The following GRHL2 variants were observed in gnomAD, a reference collection of about 807,000 sequenced individuals.
The protein encoded by GRHL2 is grainyhead like transcription factor 2.
A neutral mutation model predicts 83.8 loss-of-function variants in GRHL2; 21 were observed. The ratio of observed to expected loss-of-function variants is 0.25; its 90% CI spans 0.18 to 0.36. The LOEUF is 0.36. Among genes scored for constraint, GRHL2 ranks in the 10% least tolerant of loss-of-function variants. The pLI is 1.00. For missense variants in GRHL2, 623 were observed against 781.8 expected (o/e 0.80, Z 2.42); for synonymous variants, 280 against 278.9 (o/e 1.00, Z -0.04).
At chr8:101,666,352 G>A (rs1814056940) in intron 15 of GRHL2, among the ~76,000 whole-genome samples, 1 of 152,158 alleles carries the variant, frequency 6.6e-6, no homozygotes, top group South Asian at 2.1e-4. Flanking sequence ...TATAATGCAA[G>A]CGGTTTGGGT....
chr8:101,518,211 C>A (rs1252472864), intron 1 of GRHL2, among the ~76,000 whole-genome samples: 1 of 152,180 alleles, frequency 6.6e-6, no homozygotes, highest in African/African-American at 2.4e-5. Flanking sequence ...AATCATTAAT[C>A]CAGCCTGGTC....
At chr8:101,547,663 G>A (rs1811293772) in intron 2 of GRHL2, among the ~76,000 whole-genome samples, 1 of 152,212 alleles carries the variant, frequency 6.6e-6, no homozygotes, top group South Asian at 2.1e-4. Flanking sequence ...GGACAATCCT[G>A]TATGTTTCCT....
chr8:101,671,852 G>A (rs561990509), downstream of GRHL2, among the ~76,000 whole-genome samples: 2 of 152,258 alleles, frequency 1.3e-5, no homozygotes, highest in South Asian at 4.1e-4. Context: ...TCAGAGGAAC[G>A]ATCACGCAGC....
At chr8:101,560,046 C>T (rs561069631) in intron 4 of GRHL2, among the ~76,000 whole-genome samples, 25 of 152,230 alleles carry the variant, frequency 1.6e-4, no homozygotes, top group African/African-American at 6.0e-4. Flanking sequence ...CACTGTGTGG[C>T]CCAGGCTGGA....
At chr8:101,660,239 TC>T (rs200177548) in intron 14 of GRHL2, among the ~76,000 whole-genome samples, 3,947 of 152,358 alleles carry the variant, frequency 0.026, 142 homozygotes, top group African/African-American at 0.076. Flanking sequence ...CTGTAGCTTC[TC>T]CGTCAATAGT....
At chr8:101,584,011 C>T (rs1316701138) in intron 7 of GRHL2, among the ~76,000 whole-genome samples, 1 of 152,178 alleles carries the variant, frequency 6.6e-6, no homozygotes, top group African/African-American at 2.4e-5. Context: ...TGTAGTGAGC[C>T]TGATTCCACA....
At chr8:101,615,735 C>G (rs2130360504) in intron 8 of GRHL2, among the ~76,000 whole-genome samples, 1 of 152,146 alleles carries the variant, frequency 6.6e-6, no homozygotes, top group South Asian at 2.1e-4. Context: ...CTGTTGTTAT[C>G]TTTAGAGCAC....
At chr8:101,677,172 T>C in the GRHL2 span, among the ~76,000 whole-genome samples, 151,800 of 151,804 alleles carry the variant, frequency 1, 75,898 homozygotes, top group Middle Eastern at 1. Context: ...TGTAACAAAC[T>C]TGCACATTGT....
In GRHL2 at chr8:101,641,798, G is replaced by A. The variant is rs34859891; in HGVS notation, c.1518-2333G>A. ...TCTGTGGAAGATTGGCCTCAGGACC[G>A]CCCACGGATACCAAAATTTACAGAC... On this transcript the variant is annotated intron_variant, in intron 12 of 15. Transcript: ENST00000646743. Among the ~76,000 whole-genome samples, 1,209 of 152,032 alleles carry A rather than the reference G, an allele frequency of 8.0e-3. 18 individuals carry two copies. Among genetic ancestry groups the A allele is most frequent in the African/African-American group, 0.028 (1,150 of 41,396 alleles).
intron 4 of GRHL2, among the ~76,000 whole-genome samples, chr8:101,565,432 T>C (rs1449926986): frequency 6.6e-6 from 1 of 152,204 alleles, no homozygotes; most frequent in Admixed American, 6.5e-5. Context: ...AAGATCTCAG[T>C]GATTTAATAC....
chr8:101,571,028 AG>A (rs1383855126), intron 5 of GRHL2, among the ~76,000 whole-genome samples: 1 of 152,208 alleles, frequency 6.6e-6, no homozygotes, highest in Non-Finnish European at 1.5e-5. Context: ...CAGCAGTGTG[AG>A]TAGGGTTGGG....
At chr8:101,503,567 GTCTA>G (rs1334744430) in intron 1 of GRHL2, among the ~76,000 whole-genome samples, 1 of 152,176 alleles carries the variant, frequency 6.6e-6, no homozygotes, top group African/African-American at 2.4e-5. Context: ...GTTGAAATGG[GTCTA>G]CCCATTGATA....
intron 14 of GRHL2, among the ~76,000 whole-genome samples, chr8:101,651,520 T>C (rs1460461970): frequency 6.6e-6 from 1 of 152,246 alleles, no homozygotes; most frequent in African/African-American, 2.4e-5. Context: ...GTCTTTTCTT[T>C]ACCTTCCATG....
intron 4 of GRHL2, chr8:101,562,329 G>T: frequency 1.6e-6 from 1 of 639,500 alleles, no homozygotes; most frequent in Admixed American, 2.6e-5. Context: ...TTTCAGGAAT[G>T]CTTTGGTTCA....
rs549523357 is a variant in GRHL2, at chr8:101,611,436, A to T, written c.1099-8103A>T. Among the ~76,000 whole-genome samples, 82 of 150,538 alleles carry T rather than the reference A, an allele frequency of 5.4e-4. 7 individuals carry two copies. The highest frequency in any genetic ancestry group is 1.5e-4 in the Non-Finnish European group (10 of 67,984). ...CCTCTTACATACCTCATCTCTTGTC[A>T]TGTGGACACCTCCTTCATCTCAGAA... On this transcript the variant is annotated intron_variant, in intron 8 of 15. Transcript: ENST00000646743.
At chr8:101,532,697 T>C (rs1810961321) in intron 1 of GRHL2, among the ~76,000 whole-genome samples, 1 of 148,440 alleles carries the variant, frequency 6.7e-6, no homozygotes. Context: ...AAGGTTGCAG[T>C]GAGCCGAGAT....
chr8:101,632,955 T>G (rs1461878707), intron 11 of GRHL2, among the ~76,000 whole-genome samples: 1 of 152,216 alleles, frequency 6.6e-6, no homozygotes, highest in Admixed American at 6.5e-5. Flanking sequence ...ATTAACTCAT[T>G]ATGGTAGCTC....
At chr8:101,506,097 G>C (rs746887931) in intron 1 of GRHL2, among the ~76,000 whole-genome samples, 1 of 152,186 alleles carries the variant, frequency 6.6e-6, no homozygotes. Flanking sequence ...TTATTGTACT[G>C]CATATTTAAT....
Position 101,592,100 on chromosome 8 carries a change from C to CTTTTTTTTTTTTTTTT in GRHL2, c.1004-6950_1004-6935dup, listed in dbSNP as rs11382067. ...GTACAGCACTTTCTTTCTTTCTTTT[C>CTTTTTTTTTTTTTTTT]TTTTTTTTTTTTTTTTTTTTTTGAG... On this transcript the variant is annotated intron_variant, in intron 7 of 15. Coordinates refer to ENST00000646743, the MANE Select transcript of GRHL2 (RefSeq NM_024915.4). Among the ~76,000 whole-genome samples the CTTTTTTTTTTTTTTTT allele has an allele frequency of 8.9e-5, 8 of 90,302 alleles. 1 individual carries two copies. The highest frequency in any genetic ancestry group is 1.8e-4 in the African/African-American group (4 of 21,890). 59.2% of individuals were successfully genotyped at this position (90,302 alleles called of 152,430 possible).
Sources: gnomAD v4.1 joint callset for allele counts (sites outside exome capture counted in the v4.1 genomes callset) on GRCh38, gnomAD v4.1.1 for gene constraint, MANE v1.5 for transcripts, NCBI Gene and HGNC (gene_info 2026-07-23, HGNC 2026-07-21) for gene names.